HGSNAT: variants seen among roughly 807,000 people sequenced by gnomAD.
The protein encoded by HGSNAT is heparan-alpha-glucosaminide N-acetyltransferase, also known as transmembrane protein 76.
A neutral mutation model predicts 85.2 loss-of-function variants in HGSNAT; 59 were observed. That is an observed-to-expected ratio of 0.69 (90% CI 0.56 to 0.86). The LOEUF (loss-of-function observed/expected upper bound fraction) is 0.86. HGSNAT is among the 40% of genes least tolerant of loss of function. HGSNAT has a pLI of 0.00. For missense variants in HGSNAT, 756 were observed against 777.1 expected (o/e 0.97, Z 0.32); for synonymous variants, 321 against 304.5 (o/e 1.05, Z -0.56).
chr8:43,161,564 A>G (rs1803269691), intron 5 of HGSNAT, 57 bp downstream of exon 5: 6 of 1,328,364 alleles, frequency 4.5e-6, no homozygotes, highest in Non-Finnish European at 6.3e-6. Flanking sequence ...TAACACATTC[A>G]GAAGGGGCAG....
chr8:43,146,625 C>T (rs1001360385), intron 1 of HGSNAT, among the ~76,000 whole-genome samples: 1 of 152,108 alleles, frequency 6.6e-6, no homozygotes, highest in Non-Finnish European at 1.5e-5. Flanking sequence ...TCTTAGCACT[C>T]GATGAATATA....
At chr8:43,184,556 G>T (rs552578535) in intron 11 of HGSNAT, among the ~76,000 whole-genome samples, 9 of 152,280 alleles carry the variant, frequency 5.9e-5, no homozygotes, top group African/African-American at 2.2e-4. Flanking sequence ...AGATGGGTAG[G>T]TTGTAAAACT....
At chr8:43,191,628 A>G in intron 12 of HGSNAT, 33 bp downstream of exon 12, 3 of 1,609,168 alleles carry the variant, frequency 1.9e-6, no homozygotes, top group Non-Finnish European at 2.6e-6. Flanking sequence ...TCCCTTGTGC[A>G]TGTCCTGTTC....
intron 11 of HGSNAT, among the ~76,000 whole-genome samples, chr8:43,189,576 C>A (rs1365916099): frequency 6.6e-6 from 1 of 152,180 alleles, no homozygotes; most frequent in Non-Finnish European, 1.5e-5. Context: ...CGACCTCTTG[C>A]ACTTGGGGTG....
chr8:43,140,664 T>C (rs1283863223), intron 1 of HGSNAT, 50 bp downstream of exon 1: 2 of 966,798 alleles, frequency 2.1e-6, no homozygotes, highest in Non-Finnish European at 2.7e-6. Flanking sequence ...GCGCAGCGTC[T>C]CCTCTCCGCG....
In HGSNAT at chr8:43,196,980, G is replaced by A. The variant is rs779077096; in HGVS notation, c.1497G>A (p.Arg499=). The change falls in exon 15 of 18, where the codon CGG becomes CGA. Residue 499 remains arginine, a synonymous_variant. Coordinates refer to ENST00000379644, the MANE Select transcript of HGSNAT (RefSeq NM_152419.3). Reference sequence around the variant, plus strand: ...AAATACTATTGTATTACAAGGCTCGGACCAAAGACATCCTGATTCGATTCA... The same window carrying A: ...AAATACTATTGTATTACAAGGCTCGAACCAAAGACATCCTGATTCGATTCA... The part of the protein sequence containing the change: ...AGKILLYYKA[R]TKDILIRFTA... 1.2e-6 allele frequency: 2 copies of A among 1,612,300 alleles called. No individual in the cohort carries two copies. The highest frequency in any genetic ancestry group is 1.7e-6 in the Non-Finnish European group (2 of 1,178,416).
chr8:43,162,222 T>C (rs1254838387), intron 5 of HGSNAT, among the ~76,000 whole-genome samples: 2 of 152,218 alleles, frequency 1.3e-5, no homozygotes, highest in Non-Finnish European at 2.9e-5. Flanking sequence ...TGATGAGCAA[T>C]ATCCAAACTG....
chr8:43,194,175 A>G, intron 14 of HGSNAT: 1 of 899,490 alleles, frequency 1.1e-6, no homozygotes, highest in South Asian at 3.4e-5. Context: ...AGGCAGGAGG[A>G]TTGCTTGAGT....
rs1404069964 is a variant in HGSNAT at position 43,172,375 on chromosome 8, C to A, written c.809C>A (p.Ala270Glu). ...GGGKYWYFKH[A>E]SWNGLTVADL... ...GGAAAATATTGGTACTTCAAACATG[C>A]AAGTTGGAATGGTAAGATATTTCCT... The change falls in exon 8 of 18, where the codon GCA becomes GAA. Residue 270 changes from alanine to glutamate, a missense_variant. Coordinates refer to ENST00000379644, the MANE Select transcript of HGSNAT (RefSeq NM_152419.3). 1 of 1,603,158 alleles carries A rather than the reference C, an allele frequency of 6.2e-7. No individual in the cohort carries two copies. Among genetic ancestry groups the A allele is most frequent in the East Asian group, 2.2e-5 (1 of 44,830 alleles).
intron 11 of HGSNAT, among the ~76,000 whole-genome samples, chr8:43,183,142 C>T (rs907974114): frequency 1.3e-5 from 2 of 152,148 alleles, no homozygotes; most frequent in African/African-American, 4.8e-5. Flanking sequence ...ATGCACAATC[C>T]TCTCTGCTAG....
chr8:43,173,655 T>A, intron 8 of HGSNAT, 58 bp from the exon 9 acceptor site: 3 of 1,566,844 alleles, frequency 1.9e-6, no homozygotes, highest in Non-Finnish European at 2.6e-6. Context: ...CCACACTAGA[T>A]TTAGGAGGTA....
rs1804529451 is a variant in HGSNAT at position 43,191,542 on chromosome 8, G to A, written c.1197G>A (p.Leu399=). The change falls in exon 12 of 18, where the codon CTG becomes CTA. Residue 399 remains leucine (L), a synonymous_variant. Transcript: ENST00000379644. The part of the protein sequence containing the change: ...SWPQWLLILV[L]EGLWLGLTFL... ...CCCAGTGGCTGCTCATCCTGGTGCTGGAAGGCCTGTGGCTGGGCTTGACAT... is the reference window on the plus strand; with the variant it reads ...CCCAGTGGCTGCTCATCCTGGTGCTAGAAGGCCTGTGGCTGGGCTTGACAT... The A allele has an allele frequency of 1.2e-6, 2 of 1,613,882 alleles. No individual in the cohort carries two copies. The highest frequency in any genetic ancestry group is 1.3e-5 in the African/African-American group (1 of 74,928).
intron 5 of HGSNAT, among the ~76,000 whole-genome samples, chr8:43,164,087 GAA>G (rs1183749011): frequency 6.6e-6 from 1 of 152,144 alleles, no homozygotes; most frequent in Non-Finnish European, 1.5e-5. Context: ...GTTATGTTTA[GAA>G]ATAAAAATAG....
intron 2 of HGSNAT, among the ~76,000 whole-genome samples, chr8:43,148,508 C>G (rs1802785207): frequency 6.6e-6 from 1 of 151,826 alleles, no homozygotes; most frequent in African/African-American, 2.4e-5. Context: ...AAAAAAGAGG[C>G]CAGGCATGGT....
intron 1 of HGSNAT, among the ~76,000 whole-genome samples, chr8:43,145,752 A>C (rs191377204): frequency 1.6e-4 from 24 of 152,110 alleles, no homozygotes; most frequent in African/African-American, 5.1e-4. Context: ...CTCCATTTAA[A>C]AAAAAAAGAA....
intron 2 of HGSNAT, among the ~76,000 whole-genome samples, 197 bp from the exon 3 acceptor site, chr8:43,158,378 A>G (rs560088889): frequency 6.6e-6 from 1 of 152,310 alleles, no homozygotes; most frequent in Non-Finnish European, 1.5e-5. Context: ...GATTACAGGT[A>G]TGAGCCACTG....
chr8:43,196,597 G>T (rs1406697052), intron 14 of HGSNAT: 2 of 1,096,718 alleles, frequency 1.8e-6, no homozygotes, highest in Non-Finnish European at 2.5e-6. Context: ...TGCAGCAGTG[G>T]AGATGTGGTG....
chr8:43,192,073 C>A (rs934913020), intron 12 of HGSNAT, among the ~76,000 whole-genome samples: 1 of 152,096 alleles, frequency 6.6e-6, no homozygotes. Context: ...GGATTACAGG[C>A]GCACACCACC....
At chr8:43,171,170 G>A (rs1803614687) in intron 7 of HGSNAT, among the ~76,000 whole-genome samples, 1 of 152,182 alleles carries the variant, frequency 6.6e-6, no homozygotes, top group Admixed American at 6.5e-5. Flanking sequence ...CAAGGGCCAG[G>A]ACTGAAATCT....
Sources: gnomAD v4.1 joint callset for allele counts (sites outside exome capture counted in the v4.1 genomes callset) on GRCh38, gnomAD v4.1.1 for gene constraint, MANE v1.5 for transcripts, NCBI Gene and HGNC (gene_info 2026-07-23, HGNC 2026-07-21) for gene names.